LOC128125817: variants seen among roughly 807,000 people sequenced by gnomAD.
the LOC128125817 span, among the ~76,000 whole-genome samples, chr1:41,607,203 T>A: frequency 6.6e-6 from 1 of 152,144 alleles, no homozygotes; most frequent in East Asian, 1.9e-4. Flanking sequence ...GTCTGTGGCT[T>A]CTAGTTCTAG....
chr1:41,606,019 G>A, the LOC128125817 span, among the ~76,000 whole-genome samples: 1 of 152,294 alleles, frequency 6.6e-6, no homozygotes, highest in East Asian at 1.9e-4. Flanking sequence ...TGGTTACAAA[G>A]TCCATTTCTT....
chr1:41,620,135 CCCCAGGGAGGCATG>C, the LOC128125817 span, among the ~76,000 whole-genome samples: 1 of 152,144 alleles, frequency 6.6e-6, no homozygotes, highest in Admixed American at 6.5e-5. Flanking sequence ...ACTGAAACGA[CCCCAGGGAGGCATG>C]CCAAACAGAG....
the LOC128125817 span, among the ~76,000 whole-genome samples, chr1:41,597,409 C>T: frequency 1.3e-5 from 2 of 152,346 alleles, no homozygotes; most frequent in East Asian, 3.9e-4. Flanking sequence ...AGAGGAAGAT[C>T]ATCTAAACCA....
chr1:41,621,102 G>T, the LOC128125817 span, among the ~76,000 whole-genome samples: 4 of 152,178 alleles, frequency 2.6e-5, no homozygotes, highest in Non-Finnish European at 5.9e-5. Flanking sequence ...CGCCTCACCT[G>T]TCCCCAGTCC....
the LOC128125817 span, among the ~76,000 whole-genome samples, chr1:41,600,409 T>C: frequency 6.6e-6 from 1 of 152,176 alleles, no homozygotes; most frequent in African/African-American, 2.4e-5. Context: ...TATTCCATTG[T>C]GTGTATGAAA....
the LOC128125817 span, among the ~76,000 whole-genome samples, chr1:41,625,159 A>C: frequency 1.2e-5 from 1 of 82,476 alleles, no homozygotes; most frequent in Non-Finnish European, 2.3e-5. Context: ...CGAGATTCCA[A>C]CTCAAAAAAA....
the LOC128125817 span, among the ~76,000 whole-genome samples, chr1:41,595,959 T>C: frequency 1.3e-5 from 2 of 152,166 alleles, no homozygotes; most frequent in Non-Finnish European, 2.9e-5. Flanking sequence ...CCTTTATGTA[T>C]ACATCTATCC....
At chr1:41,617,656 G>A in the LOC128125817 span, among the ~76,000 whole-genome samples, 1 of 152,256 alleles carries the variant, frequency 6.6e-6, no homozygotes, top group East Asian at 1.9e-4. Flanking sequence ...GATATCAACA[G>A]TGTTTCCTGA....
At chr1:41,611,201 C>T in the LOC128125817 span, among the ~76,000 whole-genome samples, 1 of 152,154 alleles carries the variant, frequency 6.6e-6, no homozygotes, top group Non-Finnish European at 1.5e-5. Context: ...TAAACAAACG[C>T]TAAGTTGAAT....
the LOC128125817 span, among the ~76,000 whole-genome samples, chr1:41,593,095 C>A: frequency 6.6e-6 from 1 of 152,216 alleles, no homozygotes; most frequent in Non-Finnish European, 1.5e-5. Flanking sequence ...CAAAGACCAA[C>A]GACAGAACAG....
chr1:41,593,083 TCCAAAGA>T, the LOC128125817 span, among the ~76,000 whole-genome samples: 1 of 152,338 alleles, frequency 6.6e-6, no homozygotes, highest in African/African-American at 2.4e-5. Context: ...GACCAGAAGT[TCCAAAGA>T]CCAACGACAG....
chr1:41,625,036 G>A, the LOC128125817 span, among the ~76,000 whole-genome samples: 1 of 151,870 alleles, frequency 6.6e-6, no homozygotes, highest in Non-Finnish European at 1.5e-5. Flanking sequence ...GGTGGCATGC[G>A]CCTGTAAGCC....
chr1:41,587,673 G>A, the LOC128125817 span, among the ~76,000 whole-genome samples: 16 of 152,206 alleles, frequency 1.1e-4, no homozygotes, highest in Non-Finnish European at 2.4e-4. Context: ...CTTAGAGACT[G>A]ACTGTCTAGT....
the LOC128125817 span, among the ~76,000 whole-genome samples, chr1:41,594,940 T>A: frequency 1.3e-5 from 2 of 152,206 alleles, no homozygotes; most frequent in African/African-American, 4.8e-5. Flanking sequence ...AGCTTAAGTT[T>A]TTTTACTCCC....
At chr1:41,617,791 A>T in the LOC128125817 span, among the ~76,000 whole-genome samples, 6 of 152,228 alleles carry the variant, frequency 3.9e-5, no homozygotes, top group Admixed American at 6.5e-5. Context: ...GACCAGCCAA[A>T]TTCTACTCCC....
chr1:41,608,826 C>T, the LOC128125817 span, among the ~76,000 whole-genome samples: 1 of 151,158 alleles, frequency 6.6e-6, no homozygotes, highest in African/African-American at 2.4e-5. Flanking sequence ...AATCCCAGCA[C>T]TTTGGGAGGC....
At chr1:41,586,619 T>C in the LOC128125817 span, among the ~76,000 whole-genome samples, 1 of 152,192 alleles carries the variant, frequency 6.6e-6, no homozygotes, top group Admixed American at 6.5e-5. Context: ...AGGTGTGTGA[T>C]GATACAGACT....
At chr1:41,601,444 T>C in the LOC128125817 span, among the ~76,000 whole-genome samples, 2 of 152,304 alleles carry the variant, frequency 1.3e-5, no homozygotes, top group East Asian at 3.9e-4. Flanking sequence ...TGTTTTGTAG[T>C]TTCCAGTACA....
the LOC128125817 span, among the ~76,000 whole-genome samples, chr1:41,618,447 G>C: frequency 1.2e-4 from 18 of 152,352 alleles, no homozygotes; most frequent in African/African-American, 4.3e-4. Flanking sequence ...GCGTAGTGTT[G>C]AGGAGCTGGT....
Sources: allele counts gnomAD v4.1 joint callset (sites outside exome capture counted in the v4.1 genomes callset), GRCh38; gene constraint gnomAD v4.1.1; transcripts MANE v1.5.